Variants in TLL2 observed in about 807,000 individuals in gnomAD.
The protein encoded by TLL2 is tolloid like 2, also known as tolloid-like protein 2.
In TLL2, 106 loss-of-function variants were observed where a neutral mutation model predicts 123.0. That is an observed-to-expected ratio of 0.86 (90% CI 0.74 to 1.01). TLL2 has a LOEUF of 1.01. Among genes scored for constraint, TLL2 ranks in the 50% least tolerant of loss-of-function variants. The pLI is 0.00. For synonymous variants in TLL2, 494 were observed against 516.8 expected (o/e 0.96, Z 0.60); for missense variants, 1,332 against 1,336.7 (o/e 1.00, Z 0.06).
intron 2 of TLL2, among the ~76,000 whole-genome samples, chr10:96,459,685 AAAAAAAAAAAAAAAAAAAAAATAT>A (rs60052778): frequency 0.03 from 1,743 of 58,174 alleles, 85 homozygotes; most frequent in African/African-American, 0.093. Flanking sequence ...AAAAAAAAAA[AAAAAAAAAAAAAAAAAAAAAATAT>A]ATATATATAT....
chr10:96,467,421 C>T (rs1847141484), intron 2 of TLL2, among the ~76,000 whole-genome samples: 1 of 152,078 alleles, frequency 6.6e-6, no homozygotes, highest in Non-Finnish European at 1.5e-5. Flanking sequence ...TTTGTCAAGA[C>T]AGAGTCTTGC....
At chr10:96,405,358 A>G in intron 9 of TLL2, 24 bp from the exon 10 acceptor site, 1 of 1,610,944 alleles carries the variant, frequency 6.2e-7, no homozygotes, top group Non-Finnish European at 8.5e-7. Context: ...CCATAAAGTG[A>G]GTTTTGGCAG....
At chr10:96,488,525 G>A (rs1000510057) in intron 1 of TLL2, among the ~76,000 whole-genome samples, 3 of 152,224 alleles carry the variant, frequency 2.0e-5, no homozygotes, top group African/African-American at 7.2e-5. Flanking sequence ...GACAGTTCCT[G>A]TGGATCAAAG....
intron 10 of TLL2, among the ~76,000 whole-genome samples, chr10:96,403,308 T>C (rs898060454): frequency 6.6e-6 from 1 of 152,176 alleles, no homozygotes; most frequent in African/African-American, 2.4e-5. Flanking sequence ...ACTGTGTCTA[T>C]GTAGAAAGGG....
chr10:96,432,687 A>T, intron 4 of TLL2, 120 bp downstream of exon 4: 1 of 1,286,318 alleles, frequency 7.8e-7, no homozygotes, highest in Non-Finnish European at 1.1e-6. Flanking sequence ...CATCATCTGT[A>T]GGCCTGCTGT....
At chr10:96,421,110 T>A in intron 6 of TLL2, 49 bp from the exon 7 acceptor site, 3 of 1,460,898 alleles carry the variant, frequency 2.1e-6, no homozygotes, top group Non-Finnish European at 1.9e-6. Context: ...GTCAGGCACC[T>A]GAAAGGAGGC....
intron 5 of TLL2, among the ~76,000 whole-genome samples, chr10:96,424,363 C>G (rs912886228): frequency 2.0e-5 from 3 of 152,020 alleles, no homozygotes; most frequent in Non-Finnish European, 4.4e-5. Context: ...GGAGGGATAC[C>G]CCATTCTCCA....
At chr10:96,378,600 G>C (rs1350477643) in intron 17 of TLL2, among the ~76,000 whole-genome samples, 1 of 152,222 alleles carries the variant, frequency 6.6e-6, no homozygotes, top group Non-Finnish European at 1.5e-5. Context: ...CTTTAAGAAG[G>C]AGGTATGTTT....
chr10:96,513,666 A>G lies in TLL2; in HGVS notation c.20T>C (p.Leu7Pro), dbSNP rs750231753. The G allele has an allele frequency of 5.1e-6, 8 of 1,566,092 alleles. No individual in the cohort carries two copies. The highest frequency in any genetic ancestry group is 3.4e-5 in the South Asian group (3 of 88,058). Residue 7 changes from leucine to proline, a missense_variant, in exon 1 of 21, where the codon CTT (leucine) becomes CCT (proline). Transcript: ENST00000357947. MPRATALGALVSLLLLL... is the reference protein window; with the variant it reads MPRATAPGALVSLLLLL... ...CAGCAGCAGTGACACCAGGGCCCCAAGTGCAGTCGCCCGGGGCATGGTGGC... is the reference window on the plus strand; with the variant it reads ...CAGCAGCAGTGACACCAGGGCCCCAGGTGCAGTCGCCCGGGGCATGGTGGC...
At chr10:96,507,092 G>A (rs74850958) in intron 1 of TLL2, among the ~76,000 whole-genome samples, 4 of 152,042 alleles carry the variant, frequency 2.6e-5, no homozygotes, top group Non-Finnish European at 5.9e-5. Context: ...CCTCCAAGAG[G>A]GGCCTGATAC....
At chr10:96,377,343 T>A (rs1004831259) in intron 17 of TLL2, among the ~76,000 whole-genome samples, 3 of 152,172 alleles carry the variant, frequency 2.0e-5, no homozygotes, top group African/African-American at 4.8e-5. Flanking sequence ...CTTCTTTTAG[T>A]TTTTCAAAGT....
At chr10:96,370,591 T>A (rs1408645372) in intron 19 of TLL2, among the ~76,000 whole-genome samples, 1 of 152,154 alleles carries the variant, frequency 6.6e-6, no homozygotes, top group African/African-American at 2.4e-5. Flanking sequence ...TGCTTTTTGT[T>A]TTTTCCGGTT....
At chr10:96,463,538 G>A (rs1847101298) in intron 2 of TLL2, among the ~76,000 whole-genome samples, 1 of 152,162 alleles carries the variant, frequency 6.6e-6, no homozygotes, top group Non-Finnish European at 1.5e-5. Context: ...GATCCTGTTC[G>A]GTTCCACAAC....
intron 1 of TLL2, 72 bp downstream of exon 1, chr10:96,513,439 C>T (rs1267586919): frequency 1.9e-6 from 3 of 1,589,884 alleles, no homozygotes; most frequent in African/African-American, 2.7e-5. Context: ...GACGGTAGTG[C>T]AGGCTTGCCC....
At chr10:96,469,457 C>G (rs1024156496) in intron 2 of TLL2, among the ~76,000 whole-genome samples, 5 of 152,228 alleles carry the variant, frequency 3.3e-5, no homozygotes, top group Non-Finnish European at 5.9e-5. Flanking sequence ...GTCTCTGGCC[C>G]ACACACCCCA....
chr10:96,479,247 C>CT (rs1847288322), intron 2 of TLL2, among the ~76,000 whole-genome samples: 1 of 152,172 alleles, frequency 6.6e-6, no homozygotes, highest in African/African-American at 2.4e-5. Context: ...TACATAATTG[C>CT]CCCACCTTCC....
At chr10:96,502,608 T>C (rs1195427879) in intron 1 of TLL2, among the ~76,000 whole-genome samples, 1 of 152,094 alleles carries the variant, frequency 6.6e-6, no homozygotes, top group South Asian at 2.1e-4. Flanking sequence ...ACCAGTGTGG[T>C]ATCTGCACCC....
intron 2 of TLL2, among the ~76,000 whole-genome samples, chr10:96,450,558 C>T (rs1846948039): frequency 1.3e-5 from 2 of 152,172 alleles, no homozygotes; most frequent in African/African-American, 4.8e-5. Flanking sequence ...TACTCCCAAC[C>T]TCTCTCCTCC....
intron 1 of TLL2, among the ~76,000 whole-genome samples, chr10:96,508,756 G>T (rs1224205657): frequency 6.6e-6 from 1 of 151,886 alleles, no homozygotes; most frequent in African/African-American, 2.4e-5. Flanking sequence ...AATCTGTAGA[G>T]CCCTCTATTC....
Sources: allele counts gnomAD v4.1 joint callset (sites outside exome capture counted in the v4.1 genomes callset), GRCh38; gene constraint gnomAD v4.1.1; transcripts MANE v1.5; gene names NCBI Gene and HGNC (gene_info 2026-07-23, HGNC 2026-07-21).